The following NEURL3 variants were observed in gnomAD, a reference collection of about 807,000 sequenced individuals.
NEURL3 encodes the protein neuralized E3 ubiquitin protein ligase 3.
In NEURL3, 19 loss-of-function variants were observed where a neutral mutation model predicts 17.6. The observed-to-expected ratio is 1.08, with a 90% CI of 0.75 to 1.58. NEURL3 has a LOEUF of 1.58. NEURL3 is among the 40% of genes most tolerant of loss of function. The pLI, the probability that NEURL3 is intolerant of heterozygous loss-of-function variation, is 0.00. For synonymous variants in NEURL3, 180 were observed against 161.4 expected (o/e 1.11, Z -0.87); for missense variants, 342 against 379.6 (o/e 0.90, Z 0.82).
Position 96,497,802 on chromosome 2 carries a change from A to G in NEURL3, c.*442T>C, listed in dbSNP as rs927453633. ...AAAGGGAGGCAGGGCGGGTAACTAC[A>G]GATCCACTCTACTGGGGACTTGTGG... On this transcript the variant is annotated 3_prime_UTR_variant, in exon 4 of 4. Transcript: ENST00000451794. The G allele has an allele frequency of 1.2e-5, 2 of 160,262 alleles. No homozygotes were observed. Among genetic ancestry groups the G allele is most frequent in the African/African-American group, 2.4e-5 (1 of 41,642 alleles). The allele number at this position is 160,262 out of a possible 1,614,324, so 9.9% of individuals were successfully genotyped here. A position where few individuals can be genotyped will look rare whatever the true frequency, so the allele number is the denominator to read the frequency against.
chr2:96,502,457 T>C (rs1573157748), intron 1 of NEURL3, among the ~76,000 whole-genome samples: 1 of 152,162 alleles, frequency 6.6e-6, no homozygotes, highest in Non-Finnish European at 1.5e-5. Flanking sequence ...CCCAGGCAGG[T>C]CACTGTCCTC....
At chr2:96,504,877 C>CAAAAAAAAAAAAAAAAAAAAAAA (rs1157285400) in intron 1 of NEURL3, among the ~76,000 whole-genome samples, 46 of 55,274 alleles carry the variant, frequency 8.3e-4, no homozygotes, top group East Asian at 3.1e-3. Flanking sequence ...GACTCCGTCT[C>CAAAAAAAAAAAAAAAAAAAAAAA]AAAAAAAAAA....
chr2:96,498,002 C>A lies in NEURL3; in HGVS notation c.*242G>T. 1 of 519,330 alleles carries A rather than the reference C, an allele frequency of 1.9e-6. No homozygotes were observed. Among genetic ancestry groups the A allele is most frequent in the African/African-American group, 1.9e-5 (1 of 51,982 alleles). The allele number at this position is 519,330 out of a possible 1,614,324, so 32.2% of individuals were successfully genotyped here. A position where few individuals can be genotyped will look rare whatever the true frequency, so the allele number is the denominator to read the frequency against. On this transcript the variant is annotated 3_prime_UTR_variant, in exon 4 of 4. Coordinates refer to ENST00000451794, the MANE Select transcript of NEURL3 (RefSeq NM_001285485.2). This position sits in a 1 kb window ranked among gnomAD's most constrained non-coding sequence, Gnocchi z 4.4. Reference sequence around the variant, plus strand: ...TGGGCCACCCCATCTCTAAACAAAGCACCCCATCAGAAGGATAGTTCTGGC... The same window carrying A: ...TGGGCCACCCCATCTCTAAACAAAGAACCCCATCAGAAGGATAGTTCTGGC...
intron 1 of NEURL3, among the ~76,000 whole-genome samples, chr2:96,501,507 G>A (rs1384804874): frequency 2.0e-5 from 3 of 151,972 alleles, no homozygotes; most frequent in Non-Finnish European, 4.4e-5. Flanking sequence ...GAAGACCATG[G>A]CCCCCAGCAA....
chr2:96,502,205 A>G (rs911725062), intron 1 of NEURL3, among the ~76,000 whole-genome samples: 1 of 152,104 alleles, frequency 6.6e-6, no homozygotes, highest in Non-Finnish European at 1.5e-5. Context: ...GTGCCTTCCC[A>G]TGATGCACTC....
In NEURL3 at chr2:96,500,263, A is replaced by ACTCC. The variant is rs2065488427; in HGVS notation, c.514+175_514+176insGGAG. The stretch of plus-strand genomic sequence containing the variant: ...CTTTAGGGACAAGACTGCCCTCCCT[A>ACTCC]CGACTGAGCCTTGTCTATCTGGCGT... On this transcript the variant is annotated intron_variant, in intron 2 of 3. Transcript: ENST00000451794. 3.5e-6 allele frequency: 3 copies of ACTCC among 868,134 alleles called. No individual in the cohort carries two copies. The South Asian group carries it at 5.2e-5, about 15-fold the overall frequency. The allele number at this position is 868,134 out of a possible 1,614,324, so 53.8% of individuals were successfully genotyped here. A position where few individuals can be genotyped will look rare whatever the true frequency, so the allele number is the denominator to read the frequency against.
At chr2:96,501,451 C>T (rs1023808840) in intron 1 of NEURL3, among the ~76,000 whole-genome samples, 3 of 152,010 alleles carry the variant, frequency 2.0e-5, no homozygotes, top group Admixed American at 6.6e-5. Context: ...GCTATTCCCT[C>T]TCTGCTTGTC....
Position 96,498,350 on chromosome 2 carries a change from C to T in NEURL3, c.683G>A (p.Trp228Ter). The T allele has an allele frequency of 6.3e-7, 1 of 1,599,342 alleles. No individual in the cohort carries two copies. ...CTTGGCCGTATCGCTGAAGACCCGCCAGGCACAGTATCTGCAGAAGTATGT... is the reference window on the plus strand; with the variant it reads ...CTTGGCCGTATCGCTGAAGACCCGCTAGGCACAGTATCTGCAGAAGTATGT... ...GHTYFCRYCA[W>*]RVFSDTAKCP... The change falls in exon 4 of 4, where the codon TGG (tryptophan) becomes TAG (stop). Residue 228 changes from tryptophan to a stop codon, truncating the protein, a stop_gained. Transcript: ENST00000451794. LOFTEE classifies it low-confidence loss of function (END_TRUNC). This position sits in a 1 kb window ranked among gnomAD's most constrained non-coding sequence, Gnocchi z 4.4.
Position 96,503,525 on chromosome 2 carries a change from A to G in NEURL3, c.28+1734T>C, listed in dbSNP as rs546904225. ...TCCCTTAGGGCACAGCCTCTCATCT[A>G]TGAAGACTCTTGGTCTGTCTGCATG... On this transcript the variant is annotated intron_variant, in intron 1 of 3. Transcript: ENST00000451794. Among the ~76,000 whole-genome samples the G allele has an allele frequency of 3.9e-5, 6 of 152,168 alleles. 1 individual carries two copies. Among genetic ancestry groups the G allele is most frequent in the African/African-American group, 1.4e-4 (6 of 41,424 alleles).
rs1185705086 is a variant in NEURL3 at position 96,498,151 on chromosome 2, C to A, written c.*93G>T. On this transcript the variant is annotated 3_prime_UTR_variant, in exon 4 of 4. Coordinates refer to ENST00000451794, the MANE Select transcript of NEURL3 (RefSeq NM_001285485.2). The surrounding 1 kb of genome is among the most constrained non-coding windows in gnomAD (Gnocchi z 4.4). ...GCTAATCAGCCTTTCTGACTCTTCCCCAGAAAGAAGGTAGGGCTGCGCCTC... is the reference window on the plus strand; with the variant it reads ...GCTAATCAGCCTTTCTGACTCTTCCACAGAAAGAAGGTAGGGCTGCGCCTC... 1.4e-5 allele frequency: 18 copies of A among 1,302,108 alleles called. No homozygotes were observed. The highest frequency in any genetic ancestry group is 2.0e-6 in the Non-Finnish European group (2 of 976,832). 80.7% of individuals were successfully genotyped at this position (1,302,108 alleles called of 1,614,324 possible). A position where few individuals can be genotyped will look rare whatever the true frequency, so the allele number is the denominator to read the frequency against.
At position 96,500,896 on chromosome 2, in the gene NEURL3, G is replaced by A. The variant is rs550882024; in HGVS notation, c.57C>T (p.Arg19=). ...ANAKAPREAL[R]FHAEAKGAQV... The stretch of plus-strand genomic sequence containing the variant: ...GTGCGCCCTTGGCCTCGGCATGGAA[G>A]CGAAGTGCCTCTCGGGGCGCCTTGG... The change falls in exon 2 of 4, where the codon CGC becomes CGT. Residue 19 remains arginine, a synonymous_variant. Transcript: ENST00000451794. 1.9e-6 allele frequency: 3 copies of A among 1,565,296 alleles called. No homozygotes were observed. Among genetic ancestry groups the A allele is most frequent in the East Asian group, 2.3e-5 (1 of 42,872 alleles).
chr2:96,505,346 A>G lies in NEURL3; in HGVS notation c.-60T>C. ...TAGAAGGAACTGCCTGGAGAAGGCC[A>G]GTGGACAGGTTACCAAAGATTCAGC... On this transcript the variant is annotated 5_prime_UTR_variant, in exon 1 of 4. Transcript: ENST00000451794. 1.3e-6 allele frequency: 2 copies of G among 1,566,086 alleles called. No individual in the cohort carries two copies. The highest frequency in any genetic ancestry group is 2.2e-5 in the East Asian group (1 of 44,726).
chr2:96,505,866 T>A (rs1319050992), upstream of NEURL3, among the ~76,000 whole-genome samples: 1 of 152,022 alleles, frequency 6.6e-6, no homozygotes, highest in African/African-American at 2.4e-5. Context: ...AAAGGAGGGG[T>A]AAAGCAGACA....
chr2:96,503,233 C>G (rs954907821), intron 1 of NEURL3, among the ~76,000 whole-genome samples: 16 of 152,142 alleles, frequency 1.1e-4, no homozygotes, highest in Non-Finnish European at 2.4e-4. Context: ...TGCATGAGGC[C>G]CTGGGAGCCC....
At position 96,498,605 on chromosome 2, in the gene NEURL3, G is replaced by C. The variant is rs1205306768; in HGVS notation, c.587-159C>G. On this transcript the variant is annotated intron_variant, in intron 3 of 3. Coordinates refer to ENST00000451794, the MANE Select transcript of NEURL3 (RefSeq NM_001285485.2). The surrounding 1 kb of genome is among the most constrained non-coding windows in gnomAD (Gnocchi z 4.4). Reference sequence around the variant, plus strand: ...ACAGTGTAATCAAGTGAAAAAAAGGGGGAAGAAAACCATTTTTTATATACA... The same window carrying C: ...ACAGTGTAATCAAGTGAAAAAAAGGCGGAAGAAAACCATTTTTTATATACA... The C allele has an allele frequency of 3.3e-6, 1 of 304,952 alleles. No homozygotes were observed. Among genetic ancestry groups the C allele is most frequent in the African/African-American group, 2.3e-5 (1 of 44,030 alleles). 18.9% of individuals were successfully genotyped at this position (304,952 alleles called of 1,614,324 possible).
intron 1 of NEURL3, among the ~76,000 whole-genome samples, chr2:96,501,617 C>T (rs530332754): frequency 6.6e-6 from 1 of 152,210 alleles, no homozygotes; most frequent in East Asian, 1.9e-4. Flanking sequence ...CCTCAGAATC[C>T]TGGGTGGGGT....
rs368713765 is a variant in NEURL3, at chr2:96,501,992, G to C, written c.29-1068C>G. Among the ~76,000 whole-genome samples the C allele has an allele frequency of 4.6e-5, 7 of 152,316 alleles. No individual in the cohort carries two copies. In the East Asian group the frequency reaches 7.7e-4, roughly 17 times the overall value. On this transcript the variant is annotated intron_variant, in intron 1 of 3. Transcript: ENST00000451794. ...ACACACAGGTTTACACCCTCTAGCA[G>C]AGCCCAGGGCCAGGAGGCTCCATCT...
chr2:96,506,218 T>G (rs2065559627), upstream of NEURL3, among the ~76,000 whole-genome samples: 1 of 152,104 alleles, frequency 6.6e-6, no homozygotes, highest in South Asian at 2.1e-4. Context: ...GACCCGACTT[T>G]TTTTTTTGAG....
At position 96,500,875 on chromosome 2, in the gene NEURL3, G is replaced by C; in HGVS notation, c.78C>G (p.Gly26=). 6.5e-7 allele frequency: 1 copy of C among 1,547,732 alleles called. No individual in the cohort carries two copies. Among genetic ancestry groups the C allele is most frequent in the South Asian group, 1.2e-5 (1 of 84,940 alleles). ...CACGCGTGTCCAGACGCACCTGTGC[G>C]CCCTTGGCCTCGGCATGGAAGCGAA... The part of the protein sequence containing the change: ...EALRFHAEAK[G]AQVRLDTRGC... The change falls in exon 2 of 4, where the codon GGC becomes GGG. Residue 26 remains glycine (G), a synonymous_variant. Transcript: ENST00000451794.
Sources: allele counts gnomAD v4.1 joint callset (sites outside exome capture counted in the v4.1 genomes callset), GRCh38; gene constraint gnomAD v4.1.1; non-coding constraint Gnocchi (gnomAD v3.1); transcripts MANE v1.5; gene names NCBI Gene and HGNC (gene_info 2026-07-23, HGNC 2026-07-21).